Variants in RIF1 observed in about 807,000 individuals in gnomAD.
RIF1 encodes replication timing regulatory factor 1.
A neutral mutation model predicts 247.1 loss-of-function variants in RIF1; 45 were observed. That is an observed-to-expected ratio of 0.18 (90% CI 0.14 to 0.23). The LOEUF (loss-of-function observed/expected upper bound fraction) is 0.23, where lower values mean the gene tolerates loss of function less well. Ranked by LOEUF, RIF1 falls within the 10% of genes least tolerant of loss-of-function variation. The pLI, the probability that RIF1 is intolerant of heterozygous loss-of-function variation, is 1.00. For synonymous variants in RIF1, 1,087 were observed against 978.8 expected (o/e 1.11, Z -2.06); for missense variants, 2,967 against 2,862.5 (o/e 1.04, Z -0.83).
chr2:151,514,326 G>A, the RIF1 span: 1 of 1,609,492 alleles, frequency 6.2e-7, no homozygotes, highest in Non-Finnish European at 8.5e-7. Context: ...ACCTCATTGA[G>A]GATTTGAGTG....
intron 10 of RIF1, chr2:151,498,143 T>C (rs1191764388): frequency 6.5e-7 from 1 of 1,529,184 alleles, no homozygotes; most frequent in African/African-American, 1.4e-5. Context: ...CCTTTTGTAA[T>C]ATAAGATGTA....
chr2:151,517,181 T>C, the RIF1 span, among the ~76,000 whole-genome samples: 1 of 152,206 alleles, frequency 6.6e-6, no homozygotes, highest in East Asian at 1.9e-4. Context: ...CTCAAGCCTG[T>C]TGTATAAATA....
the RIF1 span, chr2:151,529,343 A>G: frequency 7.0e-7 from 1 of 1,425,200 alleles, no homozygotes; most frequent in Non-Finnish European, 9.9e-7. Flanking sequence ...TGACAAGATT[A>G]ATTTTTTTAT....
intron 34 of RIF1, among the ~76,000 whole-genome samples, 187 bp downstream of exon 34, chr2:151,470,051 TTCTC>T (rs1225341202): frequency 6.6e-6 from 1 of 152,066 alleles, no homozygotes; most frequent in African/African-American, 2.4e-5. Flanking sequence ...GTTCATCCCC[TTCTC>T]TCTTTCATTT....
chr2:151,531,542 C>G, the RIF1 span, among the ~76,000 whole-genome samples: 4 of 152,124 alleles, frequency 2.6e-5, no homozygotes, highest in Non-Finnish European at 4.4e-5. Context: ...GTCTCAAACT[C>G]GTGGCCTCAA....
At chr2:151,511,532 T>C (rs1341511076), downstream of RIF1, among the ~76,000 whole-genome samples, 1 of 152,136 alleles carries the variant, frequency 6.6e-6, no homozygotes, top group Non-Finnish European at 1.5e-5. Flanking sequence ...AATTCCAGAG[T>C]TGGACCAGCG....
intron 16 of RIF1, among the ~76,000 whole-genome samples, 171 bp downstream of exon 16, chr2:151,442,162 G>A (rs1319793600): frequency 3.3e-5 from 5 of 150,648 alleles, no homozygotes; most frequent in African/African-American, 1.2e-4. Flanking sequence ...TGCAACCTCC[G>A]CCTCCCAGGT....
At chr2:151,494,391 A>ATGTT (rs1346250349) in intron 9 of RIF1, 4 of 656,804 alleles carry the variant, frequency 6.1e-6, no homozygotes, top group Non-Finnish European at 1.1e-5. Flanking sequence ...GGAAAGTAGT[A>ATGTT]TGTTTCCTAA....
chr2:151,498,082 G>C lies in RIF1; in HGVS notation c.*514-1263G>C, dbSNP rs1190294330. ...AAAACATGTTTGTTTGTAAATATCA[G>C]ATGAAGTAAAAAATTGACATTAACT... On this transcript the variant is annotated intron_variant and NMD_transcript_variant, in intron 10 of 13. Coordinates refer to the RIF1 transcript ENST00000454583. 6 of 1,468,720 alleles carry C rather than the reference G, an allele frequency of 4.1e-6. No individual in the cohort carries two copies. The South Asian group carries it at 7.0e-5, about 17-fold the overall frequency. The allele number at this position is 1,468,720 out of a possible 1,614,324, so 91.0% of individuals were successfully genotyped here.
At chr2:151,473,366 G>A (rs1056079401) in intron 34 of RIF1, among the ~76,000 whole-genome samples, 1 of 147,810 alleles carries the variant, frequency 6.8e-6, no homozygotes, top group Non-Finnish European at 1.5e-5. Flanking sequence ...GCATGATCTC[G>A]GCCCACTGCA....
At chr2:151,489,656 C>T (rs893580637) in intron 9 of RIF1, among the ~76,000 whole-genome samples, 14 of 152,206 alleles carry the variant, frequency 9.2e-5, no homozygotes, top group Non-Finnish European at 4.4e-5. Flanking sequence ...ATCAGCGTCC[C>T]AAAGTGCTGG....
intron 10 of RIF1, chr2:151,497,282 T>A (rs76662961): frequency 1.7e-6 from 1 of 583,382 alleles, no homozygotes; most frequent in Non-Finnish European, 2.1e-6. Flanking sequence ...ATCCATGTTA[T>A]TTTTTTTTTT....
the RIF1 span, chr2:151,524,466 C>A: frequency 6.2e-7 from 1 of 1,610,328 alleles, no homozygotes; most frequent in Non-Finnish European, 8.5e-7. Context: ...GCCTGGCATG[C>A]CTTGGCAATG....
chr2:151,459,236 T>G (rs1009170250), intron 25 of RIF1, among the ~76,000 whole-genome samples: 7 of 152,226 alleles, frequency 4.6e-5, no homozygotes, highest in Non-Finnish European at 7.3e-5. Context: ...GCTGTTCATT[T>G]TCTTATTTTT....
the RIF1 span, among the ~76,000 whole-genome samples, chr2:151,522,984 C>T: frequency 6.6e-6 from 1 of 152,194 alleles, no homozygotes. Context: ...GTCCCATTCT[C>T]CATACCATAG....
the RIF1 span, chr2:151,519,052 G>C: frequency 6.2e-7 from 1 of 1,611,658 alleles, no homozygotes; most frequent in Non-Finnish European, 8.5e-7. Context: ...GTTTCTTCAG[G>C]TCAGCCTTGT....
At chr2:151,519,788 T>G in the RIF1 span, 1 of 1,467,292 alleles carries the variant, frequency 6.8e-7, no homozygotes, top group Non-Finnish European at 9.5e-7. Context: ...AATGCAAACA[T>G]CCAAATTATT....
chr2:151,528,804 G>A, the RIF1 span, among the ~76,000 whole-genome samples: 1 of 152,226 alleles, frequency 6.6e-6, no homozygotes, highest in Non-Finnish European at 1.5e-5. Context: ...AATGCCTGAT[G>A]GCACCAAATG....
chr2:151,521,374 C>T, the RIF1 span, among the ~76,000 whole-genome samples: 2 of 152,146 alleles, frequency 1.3e-5, no homozygotes, highest in Non-Finnish European at 2.9e-5. Context: ...ACAAATGCTA[C>T]AATGGCTCTT....
Sources: allele counts gnomAD v4.1 joint callset (sites outside exome capture counted in the v4.1 genomes callset), GRCh38; gene constraint gnomAD v4.1.1; transcripts MANE v1.5; gene names NCBI Gene and HGNC (gene_info 2026-07-23, HGNC 2026-07-21).